Variants in PDE8B observed in about 807,000 individuals in gnomAD.
PDE8B encodes phosphodiesterase 8B.
Under a neutral mutation model 101.3 loss-of-function variants are expected in PDE8B, and 26 were observed. The observed-to-expected ratio is 0.26, with a 90% CI of 0.19 to 0.36. The LOEUF (loss-of-function observed/expected upper bound fraction) is 0.36. PDE8B is among the 10% of genes least tolerant of loss of function. The probability of loss-of-function intolerance (pLI) is 1.00; values close to 1 mark genes in which losing one functional copy is unlikely to be tolerated. For missense variants in PDE8B, 810 were observed against 1,163.1 expected (o/e 0.70, Z 4.42); for synonymous variants, 424 against 429.3 (o/e 0.99, Z 0.15).
chr5:77,097,297 C>T, the PDE8B span, among the ~76,000 whole-genome samples: 28 of 152,244 alleles, frequency 1.8e-4, 1 homozygote, highest in South Asian at 5.4e-3. Context: ...CTGTGTGCTT[C>T]ATCAGAACCT....
chr5:77,138,550 A>C, the PDE8B span, among the ~76,000 whole-genome samples: 1 of 152,128 alleles, frequency 6.6e-6, no homozygotes, highest in Non-Finnish European at 1.5e-5. Flanking sequence ...CTTATTTCCT[A>C]TCAGTTTGTT....
intron 1 of PDE8B, among the ~76,000 whole-genome samples, chr5:77,215,106 T>G (rs1403232983): frequency 6.6e-6 from 1 of 152,128 alleles, no homozygotes; most frequent in Non-Finnish European, 1.5e-5. Context: ...GCCTCCGAGA[T>G]TGGCTAAAAA....
At position 77,384,022 on chromosome 5, in the gene PDE8B, A is replaced by G. The variant is rs142957279; in HGVS notation, c.1168-16226A>G. ...GTGTTTTTTCCAATTCTATGAAGAA[A>G]GTCAATGGTAGCTTGATGGGAATAG... On this transcript the variant is annotated intron_variant, in intron 10 of 21. Transcript: ENST00000264917. Among the ~76,000 whole-genome samples the G allele has an allele frequency of 4.3e-3, 659 of 152,302 alleles. 7 individuals are homozygous for G. Among genetic ancestry groups the G allele is most frequent in the African/African-American group, 0.015 (630 of 41,562 alleles).
At chr5:77,107,214 CT>C in the PDE8B span, among the ~76,000 whole-genome samples, 1 of 152,148 alleles carries the variant, frequency 6.6e-6, no homozygotes, top group Non-Finnish European at 1.5e-5. Context: ...ATCCATGTCC[CT>C]ACAAAGGACA....
At chr5:77,247,020 T>A (rs981550711) in intron 1 of PDE8B, among the ~76,000 whole-genome samples, 9 of 152,248 alleles carry the variant, frequency 5.9e-5, no homozygotes, top group Non-Finnish European at 1.2e-4. Flanking sequence ...TATATTTATA[T>A]GCTAATCTTG....
At chr5:77,328,921 G>T (rs778239418) in intron 3 of PDE8B, 77 bp from the exon 4 acceptor site, 42 of 1,051,958 alleles carry the variant, frequency 4.0e-5, no homozygotes, top group Non-Finnish European at 6.0e-5. Context: ...ATCATTTTCA[G>T]TGTGAAGAAG....
intron 1 of PDE8B, among the ~76,000 whole-genome samples, chr5:77,271,039 T>C (rs555290745): frequency 6.6e-6 from 1 of 152,316 alleles, no homozygotes; most frequent in South Asian, 2.1e-4. Context: ...GGACACTGGC[T>C]AAGCTCCCAA....
rs1554093056 is a variant in PDE8B, at chr5:77,378,049, C to CACACACACACACACACACACAT, written c.1168-22199_1168-22198insACACACACACACACACACACAT. Among the ~76,000 whole-genome samples the CACACACACACACACACACACAT allele has an allele frequency of 2.5e-3, 367 of 148,478 alleles. 10 individuals carry two copies. Among genetic ancestry groups the CACACACACACACACACACACAT allele is most frequent in the African/African-American group, 8.5e-3 (337 of 39,744 alleles). On this transcript the variant is annotated intron_variant, in intron 10 of 21. Coordinates refer to ENST00000264917, the MANE Select transcript of PDE8B (RefSeq NM_003719.5). ...ACACACACACACACACACACACACA[C>CACACACACACACACACACACAT]CCCCTGTTGGTTCTTTGTCTAGAGA...
intron 10 of PDE8B, among the ~76,000 whole-genome samples, chr5:77,384,901 C>T (rs999930463): frequency 2.6e-5 from 4 of 152,122 alleles, no homozygotes; most frequent in Admixed American, 6.5e-5. Flanking sequence ...ATTTTCGCAT[C>T]GCTGTTCATC....
the PDE8B span, chr5:77,119,187 G>C: frequency 1.3e-5 from 2 of 152,052 alleles, no homozygotes; most frequent in African/African-American, 4.8e-5. Flanking sequence ...ATGTTGGTGA[G>C]GGTGTGGAAC....
chr5:77,331,982 T>C (rs1025002758), intron 5 of PDE8B, among the ~76,000 whole-genome samples: 1 of 152,118 alleles, frequency 6.6e-6, no homozygotes, highest in African/African-American at 2.4e-5. Context: ...ACACTGAGAT[T>C]CCACTTGAAG....
intron 4 of PDE8B, among the ~76,000 whole-genome samples, chr5:77,329,548 G>A (rs971768930): frequency 1.1e-4 from 17 of 152,162 alleles, no homozygotes; most frequent in African/African-American, 3.9e-4. Context: ...GGACAGTAGA[G>A]TTTATCCAAT....
chr5:77,163,517 T>C, the PDE8B span, among the ~76,000 whole-genome samples: 2 of 152,352 alleles, frequency 1.3e-5, no homozygotes, highest in African/African-American at 2.4e-5. Flanking sequence ...TTTAAAAAAA[T>C]CTTCATTTCC....
intron 4 of PDE8B, among the ~76,000 whole-genome samples, chr5:77,329,362 A>G (rs1169296350): frequency 6.6e-6 from 1 of 152,232 alleles, no homozygotes; most frequent in Non-Finnish European, 1.5e-5. Flanking sequence ...TGGAGAAAAC[A>G]TTGTTCCAGT....
intron 1 of PDE8B, among the ~76,000 whole-genome samples, chr5:77,280,139 G>A (rs1169571847): frequency 2.6e-5 from 4 of 152,178 alleles, no homozygotes; most frequent in East Asian, 1.9e-4. Flanking sequence ...CTTGAGAGCC[G>A]TACCTGGGCT....
At chr5:77,334,478 A>T (rs918893975) in intron 5 of PDE8B, among the ~76,000 whole-genome samples, 3 of 152,132 alleles carry the variant, frequency 2.0e-5, no homozygotes, top group African/African-American at 7.2e-5. Context: ...ATATTTGTTC[A>T]ATTTAACAAG....
intron 1 of PDE8B, among the ~76,000 whole-genome samples, chr5:77,240,257 C>T (rs1280217477): frequency 6.6e-6 from 1 of 152,148 alleles, no homozygotes; most frequent in Non-Finnish European, 1.5e-5. Flanking sequence ...GGGTTCACGC[C>T]ATTCTCCTGC....
chr5:77,100,683 C>T, the PDE8B span, among the ~76,000 whole-genome samples: 552 of 152,258 alleles, frequency 3.6e-3, 12 homozygotes, highest in Admixed American at 0.035. Context: ...GGCTGGGGGC[C>T]GGGCTCCCTC....
chr5:77,265,477 GT>G lies in PDE8B; in HGVS notation c.340-46509del, dbSNP rs968236898. Among the ~76,000 whole-genome samples the G allele has an allele frequency of 4.7e-4, 72 of 151,662 alleles. 1 individual carries two copies. Among genetic ancestry groups the G allele is most frequent in the Non-Finnish European group, 6.8e-4 (46 of 67,846 alleles). ...GCTCTTTCCAATGTTTGTTTAAATTGTTTTTTTTAACTGTCCTAATCTTATG... is the reference window on the plus strand; with the variant it reads ...GCTCTTTCCAATGTTTGTTTAAATTGTTTTTTTAACTGTCCTAATCTTATG... On this transcript the variant is annotated intron_variant, in intron 1 of 21. Transcript: ENST00000264917.
Sources: gnomAD v4.1 joint callset for allele counts (sites outside exome capture counted in the v4.1 genomes callset) on GRCh38, gnomAD v4.1.1 for gene constraint, MANE v1.5 for transcripts, NCBI Gene and HGNC (gene_info 2026-07-23, HGNC 2026-07-21) for gene names.